USH2A: variants seen among roughly 807,000 people sequenced by gnomAD.
The protein encoded by USH2A is Usher syndrome 2A (autosomal recessive, mild).
A neutral mutation model predicts 538.9 loss-of-function variants in USH2A; 443 were observed. That is an observed-to-expected ratio of 0.82 (90% confidence interval 0.76 to 0.89). The LOEUF is 0.89. Among genes scored for constraint, USH2A ranks in the 40% least tolerant of loss-of-function variants. The pLI is 0.00. For missense variants in USH2A, 6,633 were observed against 6,324.8 expected (o/e 1.05, Z -1.65); for synonymous variants, 2,413 against 2,273.5 (o/e 1.06, Z -1.75).
intron 18 of USH2A, 77 bp from the exon 19 acceptor site, chr1:216,196,799 T>C: frequency 6.8e-7 from 1 of 1,474,056 alleles, no homozygotes; most frequent in Non-Finnish European, 9.3e-7. Context: ...AATTCACACA[T>C]TCATTTAGTT....
At chr1:215,683,997 G>A (rs1418647619) in intron 61 of USH2A, among the ~76,000 whole-genome samples, 1 of 152,132 alleles carries the variant, frequency 6.6e-6, no homozygotes, top group African/African-American at 2.4e-5. Context: ...GGCAGCAGAT[G>A]AAGAAGATGA....
intron 41 of USH2A, among the ~76,000 whole-genome samples, chr1:215,886,989 C>T (rs1665073824): frequency 6.6e-6 from 1 of 152,128 alleles, no homozygotes; most frequent in African/African-American, 2.4e-5. Context: ...TCCCGAGTAG[C>T]TGGGACTATA....
In USH2A at chr1:216,046,593, C is replaced by T; in HGVS notation, c.6164-1G>A. 6.2e-7 allele frequency: 1 copy of T among 1,613,684 alleles called. No individual in the cohort carries two copies. The highest frequency in any genetic ancestry group is 1.1e-5 in the South Asian group (1 of 91,076). On this transcript the variant is annotated splice_acceptor_variant, in intron 31 of 71. Coordinates refer to ENST00000307340, the MANE Select transcript of USH2A (RefSeq NM_206933.4). LOFTEE classifies it high-confidence loss of function. The stretch of plus-strand genomic sequence containing the variant: ...ACTGGTGGCTGAACCTCTTGTGGGG[C>T]TGTGGAAGAAAAGATTTATAGAGTC...
intron 40 of USH2A, among the ~76,000 whole-genome samples, chr1:215,897,559 G>A (rs1418290880): frequency 6.6e-6 from 1 of 151,738 alleles, no homozygotes; most frequent in Non-Finnish European, 1.5e-5. Context: ...TGTGGTGGTG[G>A]GCATCTGTAA....
At chr1:216,115,112 TTTTTGTTTTGTTTTGTTTTG>T (rs144536893) in intron 21 of USH2A, among the ~76,000 whole-genome samples, 1 of 148,446 alleles carries the variant, frequency 6.7e-6, no homozygotes, top group Non-Finnish European at 1.5e-5. Context: ...TATTTATTTA[TTTTTGTTTTGTTTTGTTTTG>T]TTTTGTTTTG....
intron 61 of USH2A, among the ~76,000 whole-genome samples, chr1:215,702,948 T>A (rs1191916537): frequency 6.6e-6 from 1 of 152,148 alleles, no homozygotes; most frequent in Non-Finnish European, 1.5e-5. Flanking sequence ...CTTCATGGAT[T>A]TATCTACCTT....
Position 216,207,345 on chromosome 1 carries a change from C to A in USH2A, c.3244G>T (p.Ala1082Ser). ...AGTAAACTGTAAGTAAGCCAGTGGGCATTTGGAGAATCAGGTGGACTCCAG... is the reference window on the plus strand; with the variant it reads ...AGTAAACTGTAAGTAAGCCAGTGGGAATTTGGAGAATCAGGTGGACTCCAG... The part of the protein sequence containing the change: ...LSWSPPDSPN[A>S]HWLTYSLLRD... The change falls in exon 16 of 72, where the codon GCC becomes TCC. Residue 1082 changes from alanine (A) to serine (S), a missense_variant. Physicochemically the swap from Ala to Ser is moderately conservative, Grantham distance 99. Coordinates refer to ENST00000307340, the MANE Select transcript of USH2A (RefSeq NM_206933.4). 6.2e-7 allele frequency: 1 copy of A among 1,614,030 alleles called. No individual in the cohort carries two copies. Among genetic ancestry groups the A allele is most frequent in the Non-Finnish European group, 8.5e-7 (1 of 1,179,956 alleles).
intron 3 of USH2A, among the ~76,000 whole-genome samples, chr1:216,405,819 C>A (rs1344631588): frequency 6.6e-6 from 1 of 152,142 alleles, no homozygotes; most frequent in Non-Finnish European, 1.5e-5. Context: ...ACCATGGTAC[C>A]CACATACCGT....
chr1:216,199,180 C>T (rs1315329871), intron 17 of USH2A, among the ~76,000 whole-genome samples: 1 of 152,112 alleles, frequency 6.6e-6, no homozygotes, highest in Non-Finnish European at 1.5e-5. Context: ...GGTTCAAATG[C>T]ATGAATGCAA....
chr1:216,001,679 C>G lies in USH2A; in HGVS notation c.6326-1117G>C, dbSNP rs529350926. Reference sequence around the variant, plus strand: ...ATTCTTAAATCTCATTAACCATGAGCCACCACAATTTCATATTGAAGAGAT... The same window carrying G: ...ATTCTTAAATCTCATTAACCATGAGGCACCACAATTTCATATTGAAGAGAT... On this transcript the variant is annotated intron_variant, in intron 32 of 71. Transcript: ENST00000307340. 2.0e-5 allele frequency among the ~76,000 whole-genome samples: 3 copies of G among 152,164 alleles called. No individual in the cohort carries two copies. The East Asian group carries it at 5.8e-4, about 29-fold the overall frequency.
intron 14 of USH2A, among the ~76,000 whole-genome samples, chr1:216,224,515 C>T (rs960872909): frequency 6.6e-6 from 1 of 152,052 alleles, no homozygotes; most frequent in African/African-American, 2.4e-5. Context: ...AAAATACATG[C>T]CCCCTTTTTC....
intron 20 of USH2A, among the ~76,000 whole-genome samples, chr1:216,186,351 GC>G (rs2034604029): frequency 6.6e-6 from 1 of 151,596 alleles, no homozygotes; most frequent in African/African-American, 2.4e-5. Context: ...CAGTGACCTC[GC>G]ATCCATTTTA....
At chr1:215,935,299 G>A (rs1666465072) in intron 37 of USH2A, among the ~76,000 whole-genome samples, 1 of 151,844 alleles carries the variant, frequency 6.6e-6, no homozygotes, top group Non-Finnish European at 1.5e-5. Context: ...CACAAACTGA[G>A]GTGTTTTCTG....
chr1:215,905,287 A>T (rs1199117663), intron 38 of USH2A, among the ~76,000 whole-genome samples: 2 of 152,180 alleles, frequency 1.3e-5, no homozygotes, highest in South Asian at 2.1e-4. Flanking sequence ...CCAACATGTT[A>T]CTTTTGAGGT....
In USH2A at chr1:216,418,579, G is replaced by A. The variant is rs756041909; in HGVS notation, c.586C>T (p.Pro196Ser). The A allele has an allele frequency of 1.6e-4, 255 of 1,613,110 alleles. No individual in the cohort carries two copies. The highest frequency in any genetic ancestry group is 2.0e-4 in the Non-Finnish European group (237 of 1,179,552). ...CCCAGTGTCATTACTTTTATTGGAG[G>A]TTGCAAACCATTTACTGTGCGATAA... ...FYYRTVNGLQ[P>S]PIKVMTLGRI... Residue 196 changes from proline to serine, a missense_variant, in exon 3 of 72, where the codon CCT becomes TCT. Physicochemically the swap from Pro to Ser is moderately conservative, Grantham distance 74. Transcript: ENST00000307340.
At chr1:215,698,776 C>T (rs1418250188) in intron 61 of USH2A, among the ~76,000 whole-genome samples, 1 of 152,106 alleles carries the variant, frequency 6.6e-6, no homozygotes, top group East Asian at 1.9e-4. Flanking sequence ...TGTAGATTGC[C>T]TTTTCACTCT....
At chr1:215,746,576 CTT>C (rs888210661) in intron 58 of USH2A, among the ~76,000 whole-genome samples, 1 of 152,148 alleles carries the variant, frequency 6.6e-6, no homozygotes, top group African/African-American at 2.4e-5. Flanking sequence ...CTTGCCAAAA[CTT>C]AGGTTAAAAA....
chr1:216,094,500 C>G (rs945684963), intron 22 of USH2A, among the ~76,000 whole-genome samples: 8 of 152,050 alleles, frequency 5.3e-5, no homozygotes, highest in African/African-American at 1.9e-4. Flanking sequence ...TACTTCTCTT[C>G]TATTTCAAAG....
chr1:216,173,761 G>T (rs991502027), intron 21 of USH2A, among the ~76,000 whole-genome samples: 3 of 152,108 alleles, frequency 2.0e-5, no homozygotes, highest in African/African-American at 7.2e-5. Context: ...CTGCTGGCTA[G>T]CCTGCAAATC....
Sources: allele counts gnomAD v4.1 joint callset (sites outside exome capture counted in the v4.1 genomes callset), GRCh38; gene constraint gnomAD v4.1.1; transcripts MANE v1.5; gene names NCBI Gene and HGNC (gene_info 2026-07-23, HGNC 2026-07-21).